The following CSMD1 variants were observed in gnomAD, a reference collection of about 807,000 sequenced individuals.
CSMD1 encodes the protein CUB and Sushi multiple domains 1.
Under a neutral mutation model 417.5 loss-of-function variants are expected in CSMD1, and 213 were observed. The observed-to-expected ratio is 0.51, with a 90% CI of 0.46 to 0.57. The LOEUF (loss-of-function observed/expected upper bound fraction) is 0.57, where lower values mean the gene tolerates loss of function less well. CSMD1 is among the 20% of genes least tolerant of loss of function. The pLI, the probability that CSMD1 is intolerant of heterozygous loss-of-function variation, is 0.00. For synonymous variants in CSMD1, 2,862 were observed against 1,736.8 expected, an observed-to-expected ratio of 1.65 and a Z score of -16.11; for missense variants, 6,923 against 4,529.7, an observed-to-expected ratio of 1.53 and a Z score of -15.17.
At chr8:4,984,964 T>C (rs1235045455) in intron 1 of CSMD1, among the ~76,000 whole-genome samples, 1 of 152,152 alleles carries the variant, frequency 6.6e-6, no homozygotes, top group African/African-American at 2.4e-5. Flanking sequence ...TGGAAACTCC[T>C]AGAAAGCACT....
At chr8:3,208,793 CT>C (rs1363005281) in intron 30 of CSMD1, among the ~76,000 whole-genome samples, 1 of 152,094 alleles carries the variant, frequency 6.6e-6, no homozygotes, top group Non-Finnish European at 1.5e-5. Context: ...CTGGCCTAGT[CT>C]CCCAGCCTAC....
At chr8:4,756,346 G>A (rs750957404) in intron 1 of CSMD1, among the ~76,000 whole-genome samples, 25 of 152,038 alleles carry the variant, frequency 1.6e-4, no homozygotes, top group Non-Finnish European at 2.5e-4. Flanking sequence ...ATCAATTCAG[G>A]CATACTGGCC....
intron 1 of CSMD1, among the ~76,000 whole-genome samples, chr8:4,886,473 T>G (rs1001053469): frequency 6.6e-6 from 1 of 152,054 alleles, no homozygotes; most frequent in Non-Finnish European, 1.5e-5. Flanking sequence ...CTTTATGATG[T>G]CTTTTTAGTT....
chr8:3,645,353 T>C (rs1207880956), intron 7 of CSMD1, among the ~76,000 whole-genome samples: 5 of 152,198 alleles, frequency 3.3e-5, no homozygotes, highest in Non-Finnish European at 5.9e-5. Context: ...CCTATCCTAA[T>C]TGAGAAAAAT....
intron 55 of CSMD1, among the ~76,000 whole-genome samples, chr8:2,975,284 G>C (rs1804820458): frequency 6.6e-6 from 1 of 151,882 alleles, no homozygotes; most frequent in Non-Finnish European, 1.5e-5. Flanking sequence ...CTTCAAAAAG[G>C]CAAACTCTGT....
intron 1 of CSMD1, among the ~76,000 whole-genome samples, chr8:4,640,453 G>A (rs556995805): frequency 2.6e-5 from 4 of 152,250 alleles, no homozygotes; most frequent in East Asian, 1.9e-4. Flanking sequence ...AGAATAGAAA[G>A]CCATAAAATC....
At chr8:3,594,412 T>A (rs888996404) in intron 8 of CSMD1, among the ~76,000 whole-genome samples, 9 of 144,160 alleles carry the variant, frequency 6.2e-5, no homozygotes, top group African/African-American at 2.3e-4. Flanking sequence ...ATAGAATGTA[T>A]TTTTTTTTTC....
chr8:3,914,863 A>G (rs1808709604), intron 5 of CSMD1, among the ~76,000 whole-genome samples: 1 of 152,200 alleles, frequency 6.6e-6, no homozygotes, highest in African/African-American at 2.4e-5. Context: ...GGCACACATC[A>G]TACAGTTTTC....
At chr8:4,088,059 CA>C (rs1339332762) in intron 3 of CSMD1, among the ~76,000 whole-genome samples, 2 of 152,160 alleles carry the variant, frequency 1.3e-5, no homozygotes, top group African/African-American at 4.8e-5. Flanking sequence ...TGACCTTTGA[CA>C]ATCACAGTAA....
intron 3 of CSMD1, among the ~76,000 whole-genome samples, chr8:4,132,764 C>T (rs1426407797): frequency 6.6e-6 from 1 of 152,112 alleles, no homozygotes; most frequent in Non-Finnish European, 1.5e-5. Flanking sequence ...ATGTTCTCTA[C>T]AATCCGTTTA....
rs534317062 is a variant in CSMD1 at position 2,955,732 on chromosome 8, G to A, written c.9851C>T (p.Ala3284Val). The A allele has an allele frequency of 2.7e-5, 44 of 1,613,850 alleles. No individual in the cohort carries two copies. In the South Asian group the frequency reaches 2.9e-4, roughly 10 times the overall value. Residue 3284 changes from alanine to valine, a missense_variant, in exon 64 of 70, where the codon GCG (alanine) becomes GTG (valine). Transcript: ENST00000635120. ...ACRQPETPAH[A>V]DVRAIDLPTF... ...AGGAAGATCGATGGCTCTCACATCCGCGTGTGCCGGGGTTTCTGGCTGTCT... is the reference window on the plus strand; with the variant it reads ...AGGAAGATCGATGGCTCTCACATCCACGTGTGCCGGGGTTTCTGGCTGTCT...
At chr8:4,035,678 C>T (rs552772412) in intron 3 of CSMD1, among the ~76,000 whole-genome samples, 14 of 152,226 alleles carry the variant, frequency 9.2e-5, no homozygotes, top group Non-Finnish European at 1.5e-4. Context: ...AAATGTTTTG[C>T]ACAACTGTGC....
At chr8:3,584,077 A>T (rs1460757577) in intron 9 of CSMD1, among the ~76,000 whole-genome samples, 4 of 152,148 alleles carry the variant, frequency 2.6e-5, no homozygotes, top group African/African-American at 7.2e-5. Flanking sequence ...TCAGACAAAA[A>T]ATTAAGTTTA....
At chr8:4,174,024 G>A (rs1204125433) in intron 3 of CSMD1, among the ~76,000 whole-genome samples, 1 of 152,196 alleles carries the variant, frequency 6.6e-6, no homozygotes, top group African/African-American at 2.4e-5. Context: ...CCATGGCCAA[G>A]GGAATGCCCT....
At chr8:4,692,657 G>C (rs532237325) in intron 1 of CSMD1, among the ~76,000 whole-genome samples, 1 of 152,142 alleles carries the variant, frequency 6.6e-6, no homozygotes, top group African/African-American at 2.4e-5. Context: ...CTGACCAACT[G>C]TCCTGGTTTG....
chr8:3,998,142 C>T lies in CSMD1; in HGVS notation c.611-32G>A, dbSNP rs1426786254. ...GGGCAAAAGCAGAAAGAAAGCATCACATTTCAGGATGGTTTTCATACACGA... is the reference window on the plus strand; with the variant it reads ...GGGCAAAAGCAGAAAGAAAGCATCATATTTCAGGATGGTTTTCATACACGA... On this transcript the variant is annotated intron_variant, in intron 4 of 69. Coordinates refer to ENST00000635120, the MANE Select transcript of CSMD1 (RefSeq NM_033225.6). 5.9e-6 allele frequency: 9 copies of T among 1,531,164 alleles called. No homozygotes were observed. In the South Asian group the frequency reaches 1.1e-4, roughly 18 times the overall value. 94.8% of individuals were successfully genotyped at this position (1,531,164 alleles called of 1,614,324 possible). A position where few individuals can be genotyped will look rare whatever the true frequency, so the allele number is the denominator to read the frequency against.
chr8:3,547,852 G>A (rs982731782), intron 10 of CSMD1, among the ~76,000 whole-genome samples: 8 of 152,114 alleles, frequency 5.3e-5, no homozygotes, highest in Non-Finnish European at 1.0e-4. Flanking sequence ...AAGGAATTTC[G>A]CTAGGTCATT....
chr8:4,109,936 A>G (rs558315708), intron 3 of CSMD1, among the ~76,000 whole-genome samples: 1 of 152,282 alleles, frequency 6.6e-6, no homozygotes, highest in African/African-American at 2.4e-5. Flanking sequence ...AAATAAGATC[A>G]TGACAATTTG....
At chr8:4,090,951 G>C (rs2010954) in intron 3 of CSMD1, among the ~76,000 whole-genome samples, 149,886 of 151,136 alleles carry the variant, frequency 0.99, 74,334 homozygotes, top group East Asian at 1. Context: ...TGGGGTCTTG[G>C]TCTGTCACCC....
Sources: gnomAD v4.1 joint callset for allele counts (sites outside exome capture counted in the v4.1 genomes callset) on GRCh38, gnomAD v4.1.1 for gene constraint, MANE v1.5 for transcripts, NCBI Gene and HGNC (gene_info 2026-07-23, HGNC 2026-07-21) for gene names.